Variants in RAB8B observed in about 807,000 individuals in gnomAD.
The protein encoded by RAB8B is ras-related protein Rab-8B.
RAB8B carries 11 observed loss-of-function variants against 32.0 expected under a neutral mutation model. The ratio of observed to expected loss-of-function variants is 0.34; its 90% confidence interval spans 0.22 to 0.57. The LOEUF (loss-of-function observed/expected upper bound fraction) is 0.57. Ranked by LOEUF, RAB8B falls within the 20% of genes least tolerant of loss-of-function variation. RAB8B has a pLI of 0.86. For synonymous variants in RAB8B, 103 were observed against 89.6 expected, an observed-to-expected ratio of 1.15 and a Z score of -0.85; for missense variants, 190 against 258.5, an observed-to-expected ratio of 0.73 and a Z score of 1.82.
chr15:63,230,594 G>T (rs1045188617), intron 1 of RAB8B, among the ~76,000 whole-genome samples: 1 of 152,208 alleles, frequency 6.6e-6, no homozygotes, highest in East Asian at 1.9e-4. Context: ...GAGCCACCAC[G>T]CCCGGCCTGT....
At chr15:63,254,197 T>C (rs902905202) in intron 3 of RAB8B, among the ~76,000 whole-genome samples, 2 of 152,212 alleles carry the variant, frequency 1.3e-5, no homozygotes, top group African/African-American at 4.8e-5. Flanking sequence ...CCGCAGCTCC[T>C]AGCCCTTTGC....
intron 3 of RAB8B, among the ~76,000 whole-genome samples, chr15:63,250,956 A>G (rs2038112508): frequency 6.6e-6 from 1 of 151,800 alleles, no homozygotes; most frequent in Non-Finnish European, 1.5e-5. Flanking sequence ...CTCTAGGAAG[A>G]TGTGGTCTGA....
At chr15:63,240,315 G>A (rs1020019592) in intron 1 of RAB8B, among the ~76,000 whole-genome samples, 3 of 152,124 alleles carry the variant, frequency 2.0e-5, no homozygotes, top group African/African-American at 7.2e-5. Context: ...AGAGCTGTAG[G>A]GTTATAGACT....
At chr15:63,214,112 T>C (rs1471639090) in intron 1 of RAB8B, among the ~76,000 whole-genome samples, 2 of 151,920 alleles carry the variant, frequency 1.3e-5, no homozygotes, top group African/African-American at 4.8e-5. Flanking sequence ...TCGTTTGCTA[T>C]ACCAACGTGT....
chr15:63,241,144 A>G (rs2038028699), intron 1 of RAB8B, among the ~76,000 whole-genome samples: 1 of 152,210 alleles, frequency 6.6e-6, no homozygotes, highest in Non-Finnish European at 1.5e-5. Context: ...GGAATTTGAG[A>G]CCAGCCTGGT....
intron 3 of RAB8B, chr15:63,251,159 G>T: frequency 2.4e-6 from 1 of 410,868 alleles, no homozygotes; most frequent in Admixed American, 2.9e-5. Context: ...AGATTGTGAA[G>T]GGTCATCATT....
At chr15:63,210,145 T>A (rs901511187) in intron 1 of RAB8B, among the ~76,000 whole-genome samples, 4 of 152,324 alleles carry the variant, frequency 2.6e-5, no homozygotes, top group Middle Eastern at 3.4e-3. Context: ...AAGTTGCATG[T>A]TTCATTGGCT....
At chr15:63,222,568 C>T (rs2037853414) in intron 1 of RAB8B, among the ~76,000 whole-genome samples, 1 of 152,224 alleles carries the variant, frequency 6.6e-6, no homozygotes. Context: ...GACGGAGTCT[C>T]ACTCTGTTGC....
intron 1 of RAB8B, among the ~76,000 whole-genome samples, chr15:63,213,809 G>A (rs1459141063): frequency 6.6e-6 from 1 of 152,090 alleles, no homozygotes; most frequent in Admixed American, 6.5e-5. Flanking sequence ...CAGGCCAGGC[G>A]CGGTGGCTCA....
intron 1 of RAB8B, among the ~76,000 whole-genome samples, chr15:63,227,385 G>A (rs1034483081): frequency 6.6e-6 from 1 of 152,098 alleles, no homozygotes. Context: ...ATAACACTGT[G>A]CCTGTAAAGT....
chr15:63,211,451 C>A (rs2037745779), intron 1 of RAB8B, among the ~76,000 whole-genome samples: 1 of 152,170 alleles, frequency 6.6e-6, no homozygotes. Context: ...TCTGGTTTAA[C>A]CCTATTATAT....
chr15:63,211,461 T>A (rs2037745894), intron 1 of RAB8B, among the ~76,000 whole-genome samples: 1 of 152,236 alleles, frequency 6.6e-6, no homozygotes, highest in African/African-American at 2.4e-5. Flanking sequence ...CCCTATTATA[T>A]CCTTAACTTT....
chr15:63,212,185 T>C (rs1424084601), intron 1 of RAB8B, among the ~76,000 whole-genome samples: 1 of 152,158 alleles, frequency 6.6e-6, no homozygotes, highest in East Asian at 1.9e-4. Flanking sequence ...CCTGAATTGA[T>C]GTAGAGGCAT....
intron 1 of RAB8B, among the ~76,000 whole-genome samples, chr15:63,218,524 T>C (rs749707050): frequency 6.6e-6 from 1 of 152,134 alleles, no homozygotes; most frequent in Admixed American, 6.6e-5. Context: ...GTTCTAAGAG[T>C]TTGTGCTTTA....
intron 1 of RAB8B, among the ~76,000 whole-genome samples, chr15:63,212,493 C>G (rs1472037561): frequency 6.6e-6 from 1 of 152,018 alleles, no homozygotes; most frequent in African/African-American, 2.4e-5. Flanking sequence ...TCAGAAGAGT[C>G]AAGATGTATT....
chr15:63,249,419 G>T (rs1456368529), intron 2 of RAB8B, among the ~76,000 whole-genome samples: 1 of 152,040 alleles, frequency 6.6e-6, no homozygotes, highest in Non-Finnish European at 1.5e-5. Flanking sequence ...CTTTTATCAA[G>T]GTCTGAGTTT....
chr15:63,204,133 T>G (rs1032282134), intron 1 of RAB8B, among the ~76,000 whole-genome samples: 5 of 152,128 alleles, frequency 3.3e-5, no homozygotes, highest in South Asian at 2.1e-4. Context: ...TAGCATGAGT[T>G]CCATACAAAA....
At chr15:63,226,370 G>A (rs927255457) in intron 1 of RAB8B, among the ~76,000 whole-genome samples, 12 of 152,196 alleles carry the variant, frequency 7.9e-5, no homozygotes, top group African/African-American at 2.9e-4. Context: ...GGAATTGGTT[G>A]TAAATCAGAT....
At chr15:63,209,157 C>T (rs979586322) in intron 1 of RAB8B, among the ~76,000 whole-genome samples, 6 of 151,674 alleles carry the variant, frequency 4.0e-5, no homozygotes, top group East Asian at 2.0e-4. Flanking sequence ...TCCCAAAGTG[C>T]TGGGACCCAC....
Sources: allele counts gnomAD v4.1 joint callset (sites outside exome capture counted in the v4.1 genomes callset), GRCh38; gene constraint gnomAD v4.1.1; transcripts MANE v1.5; gene names NCBI Gene and HGNC (gene_info 2026-07-23, HGNC 2026-07-21).